Variants in ZFAND3 observed in about 807,000 individuals in gnomAD.
The protein encoded by ZFAND3 is AN1-type zinc finger protein 3.
In ZFAND3, 10 loss-of-function variants were observed where a neutral mutation model predicts 29.6. That is an observed-to-expected ratio of 0.34 (90% CI 0.21 to 0.57). ZFAND3 has a LOEUF of 0.57. Ranked by LOEUF, ZFAND3 falls within the 20% of genes least tolerant of loss-of-function variation. The probability of loss-of-function intolerance (pLI) is 0.86; values close to 1 mark genes in which losing one functional copy is unlikely to be tolerated. For missense variants in ZFAND3, 230 were observed against 304.5 expected, an observed-to-expected ratio of 0.76 and a Z score of 1.82; for synonymous variants, 128 against 112.6, an observed-to-expected ratio of 1.14 and a Z score of -0.87.
chr6:38,101,497 T>C (rs1431559079), intron 4 of ZFAND3, among the ~76,000 whole-genome samples: 2 of 152,086 alleles, frequency 1.3e-5, no homozygotes, highest in Non-Finnish European at 2.9e-5. Flanking sequence ...TTTATAAGCT[T>C]AAGGATTTGT....
chr6:38,072,442 C>A (rs1764475185), intron 3 of ZFAND3, among the ~76,000 whole-genome samples: 1 of 152,120 alleles, frequency 6.6e-6, no homozygotes, highest in African/African-American at 2.4e-5. Flanking sequence ...CCCCTGCCCC[C>A]AATATGGATT....
At chr6:37,941,918 T>G (rs118091377) in intron 2 of ZFAND3, among the ~76,000 whole-genome samples, 1 of 152,234 alleles carries the variant, frequency 6.6e-6, no homozygotes, top group East Asian at 1.9e-4. Context: ...TTGGAAACCT[T>G]GTATAGTTTA....
intron 5 of ZFAND3, among the ~76,000 whole-genome samples, chr6:38,126,307 C>T (rs148193053): frequency 1.3e-5 from 2 of 152,100 alleles, no homozygotes; most frequent in African/African-American, 2.4e-5. Flanking sequence ...ATTTGCCAGT[C>T]GACATACACT....
At chr6:38,053,548 G>A (rs535252883) in intron 2 of ZFAND3, among the ~76,000 whole-genome samples, 2 of 152,238 alleles carry the variant, frequency 1.3e-5, no homozygotes, top group Admixed American at 6.5e-5. Flanking sequence ...GCCACACGTG[G>A]TGTTGCACAC....
chr6:37,841,474 A>T (rs553832081), intron 1 of ZFAND3, among the ~76,000 whole-genome samples: 230 of 151,886 alleles, frequency 1.5e-3, no homozygotes, highest in African/African-American at 5.3e-3. Context: ...TTTGTTTTTA[A>T]GTTTTTGTTT....
intron 2 of ZFAND3, among the ~76,000 whole-genome samples, chr6:38,046,384 C>A (rs2127458215): frequency 6.6e-6 from 1 of 152,324 alleles, no homozygotes; most frequent in Middle Eastern, 3.4e-3. Context: ...ACTTCTGCCT[C>A]TTCCGCTGTT....
chr6:37,984,327 CTAAG>C (rs1041896318), intron 2 of ZFAND3, among the ~76,000 whole-genome samples: 42 of 152,274 alleles, frequency 2.8e-4, no homozygotes, highest in African/African-American at 1.0e-3. Context: ...GTCAGATGAA[CTAAG>C]TGTTAAGAGC....
intron 2 of ZFAND3, among the ~76,000 whole-genome samples, chr6:37,946,370 A>G (rs1164321562): frequency 2.0e-5 from 3 of 152,234 alleles, no homozygotes; most frequent in African/African-American, 7.2e-5. Context: ...CTTAAGAAGG[A>G]AAACACAGAC....
chr6:37,851,152 CTT>C (rs112090301), intron 1 of ZFAND3, among the ~76,000 whole-genome samples: 5 of 139,244 alleles, frequency 3.6e-5, no homozygotes, highest in Admixed American at 7.3e-5. Context: ...TTATCGTTTT[CTT>C]TTTTTTTTTT....
rs762205814 is a variant in ZFAND3 at position 37,842,150 on chromosome 6, A to T, written c.71+22134A>T. Reference sequence around the variant, plus strand: ...CCTCCCAGAAGCCCCACTTCTTTATACTATCACATTCGGTATTCGGTTCCA... The same window carrying T: ...CCTCCCAGAAGCCCCACTTCTTTATTCTATCACATTCGGTATTCGGTTCCA... On this transcript the variant is annotated intron_variant, in intron 1 of 5. Transcript: ENST00000287218. Among the ~76,000 whole-genome samples, 9 of 152,240 alleles carry T rather than the reference A, an allele frequency of 5.9e-5. No homozygotes were observed. In the South Asian group the frequency reaches 1.0e-3, roughly 18 times the overall value.
At chr6:37,858,959 C>T (rs757974560) in intron 1 of ZFAND3, among the ~76,000 whole-genome samples, 9 of 152,272 alleles carry the variant, frequency 5.9e-5, no homozygotes, top group African/African-American at 1.9e-4. Flanking sequence ...TTGTGCATGT[C>T]GTACTTTCAT....
At chr6:38,037,238 G>T (rs1181379875) in intron 2 of ZFAND3, among the ~76,000 whole-genome samples, 1 of 152,132 alleles carries the variant, frequency 6.6e-6, no homozygotes, top group East Asian at 1.9e-4. Flanking sequence ...AACATAACAG[G>T]CCATCAGTGG....
intron 1 of ZFAND3, among the ~76,000 whole-genome samples, chr6:37,885,598 C>T (rs1321167285): frequency 3.9e-5 from 6 of 151,902 alleles, no homozygotes; most frequent in Admixed American, 1.3e-4. Flanking sequence ...GAGCTGAGAT[C>T]GTGCCACTGC....
chr6:38,144,184 AATATAT>A (rs1554183921), intron 5 of ZFAND3, among the ~76,000 whole-genome samples: 16 of 42,544 alleles, frequency 3.8e-4, no homozygotes, highest in Non-Finnish European at 5.9e-4. Context: ...ATATATATAT[AATATAT>A]ATATATATAT....
Position 38,069,135 on chromosome 6 carries a change from A to G in ZFAND3, c.295+7360A>G, listed in dbSNP as rs149753197. Among the ~76,000 whole-genome samples the G allele has an allele frequency of 2.3e-3, 353 of 152,340 alleles. 1 individual carries two copies. The highest frequency in any genetic ancestry group is 0.014 in the Middle Eastern group (4 of 294). ...ACTTCTGATTTGTTTGTTTTTACCAATTAAATTTCTAATAATCTCTAAATG... is the reference window on the plus strand; with the variant it reads ...ACTTCTGATTTGTTTGTTTTTACCAGTTAAATTTCTAATAATCTCTAAATG... On this transcript the variant is annotated intron_variant, in intron 3 of 5. Coordinates refer to ENST00000287218, the MANE Select transcript of ZFAND3 (RefSeq NM_021943.3).
intron 1 of ZFAND3, among the ~76,000 whole-genome samples, chr6:37,880,256 G>T (rs1764867127): frequency 6.6e-6 from 1 of 152,198 alleles, no homozygotes; most frequent in South Asian, 2.1e-4. Context: ...TAGCTGCATG[G>T]TGTCAACCAG....
chr6:37,843,643 C>A (rs984148943), intron 1 of ZFAND3, among the ~76,000 whole-genome samples: 48 of 152,226 alleles, frequency 3.2e-4, no homozygotes, highest in African/African-American at 1.1e-3. Context: ...GTTTAGAGAC[C>A]AGTGTTTGCT....
intron 2 of ZFAND3, among the ~76,000 whole-genome samples, chr6:38,043,600 C>T (rs532209956): frequency 6.7e-6 from 1 of 149,488 alleles, no homozygotes; most frequent in African/African-American, 2.5e-5. Context: ...TCACCTCCTT[C>T]TCTTCCTTTC....
intron 2 of ZFAND3, among the ~76,000 whole-genome samples, chr6:38,041,446 C>T (rs986890812): frequency 1.3e-5 from 2 of 151,256 alleles, no homozygotes; most frequent in African/African-American, 4.9e-5. Context: ...GCTTTTTCTT[C>T]TCCCTCATTC....
Sources: gnomAD v4.1 joint callset for allele counts (sites outside exome capture counted in the v4.1 genomes callset) on GRCh38, gnomAD v4.1.1 for gene constraint, MANE v1.5 for transcripts, NCBI Gene and HGNC (gene_info 2026-07-23, HGNC 2026-07-21) for gene names.